Variants in FUT9 observed in about 807,000 individuals in gnomAD.
The protein encoded by FUT9 is fucosyltransferase 9, also known as 4-galactosyl-N-acetylglucosaminide 3-alpha-L-fucosyltransferase 9.
Under a neutral mutation model 29.7 loss-of-function variants are expected in FUT9, and 15 were observed. The observed-to-expected ratio is 0.51, with a 90% confidence interval of 0.34 to 0.78. FUT9 has a LOEUF of 0.78. Ranked by LOEUF, FUT9 falls within the 30% of genes least tolerant of loss-of-function variation. The pLI is 0.01. For synonymous variants in FUT9, 169 were observed against 153.7 expected (o/e 1.10, Z -0.74); for missense variants, 319 against 425.4 (o/e 0.75, Z 2.20).
intron 2 of FUT9, among the ~76,000 whole-genome samples, chr6:96,139,176 T>A (rs1052576830): frequency 1.3e-5 from 2 of 152,040 alleles, no homozygotes; most frequent in African/African-American, 2.4e-5. Flanking sequence ...CTGTTCCAAG[T>A]GGGAGAAAAT....
chr6:96,035,875 A>C lies in FUT9; in HGVS notation c.-98+19663A>C, dbSNP rs928765866. The stretch of plus-strand genomic sequence containing the variant: ...TATGTTTATTATATTAATATAATAT[A>C]ATACATTATGTTTATTATATTAATA... On this transcript the variant is annotated intron_variant, in intron 1 of 2. Coordinates refer to ENST00000302103, the MANE Select transcript of FUT9 (RefSeq NM_006581.4). 3.6e-3 allele frequency among the ~76,000 whole-genome samples: 367 copies of C among 103,380 alleles called. 3 individuals carry two copies. Among genetic ancestry groups the C allele is most frequent in the African/African-American group, 0.011 (355 of 31,484 alleles). The allele number at this position is 103,380 out of a possible 152,430, so 67.8% of individuals were successfully genotyped here.
intron 2 of FUT9, among the ~76,000 whole-genome samples, chr6:96,165,687 C>T (rs1773003089): frequency 6.6e-6 from 1 of 152,022 alleles, no homozygotes; most frequent in African/African-American, 2.4e-5. Context: ...GTGATCTCGG[C>T]TCACTGCAAC....
At chr6:96,165,750 G>C (rs895442129) in intron 2 of FUT9, among the ~76,000 whole-genome samples, 2 of 151,924 alleles carry the variant, frequency 1.3e-5, no homozygotes, top group Non-Finnish European at 2.9e-5. Flanking sequence ...GAAATAGCTG[G>C]GATTACAGGT....
intron 1 of FUT9, among the ~76,000 whole-genome samples, chr6:96,092,375 T>C (rs912929746): frequency 5.3e-5 from 8 of 152,036 alleles, no homozygotes; most frequent in Non-Finnish European, 1.2e-4. Context: ...TTCTGATAGA[T>C]ATATTCACAA....
intron 1 of FUT9, among the ~76,000 whole-genome samples, chr6:96,043,196 C>G (rs567641053): frequency 6.6e-6 from 1 of 152,068 alleles, no homozygotes; most frequent in Admixed American, 6.6e-5. Context: ...GGACTACAGG[C>G]GCCCACCACC....
At chr6:96,186,054 A>G (rs1773400983) in intron 2 of FUT9, among the ~76,000 whole-genome samples, 2 of 152,114 alleles carry the variant, frequency 1.3e-5, no homozygotes, top group Non-Finnish European at 2.9e-5. Context: ...TTCTAATAAC[A>G]TCATTTTCCA....
chr6:96,028,331 G>A (rs766398432), intron 1 of FUT9, among the ~76,000 whole-genome samples: 4 of 151,476 alleles, frequency 2.6e-5, no homozygotes, highest in South Asian at 2.1e-4. Context: ...TTAACTGTTC[G>A]ACTGGTACAA....
At chr6:96,152,436 G>C (rs1050290397) in intron 2 of FUT9, among the ~76,000 whole-genome samples, 2 of 152,072 alleles carry the variant, frequency 1.3e-5, no homozygotes, top group African/African-American at 4.8e-5. Context: ...TCTTCCACTG[G>C]ACCAAAAGTA....
At chr6:96,196,333 A>G (rs542914141) in intron 2 of FUT9, among the ~76,000 whole-genome samples, 1 of 152,298 alleles carries the variant, frequency 6.6e-6, no homozygotes, top group Non-Finnish European at 1.5e-5. Context: ...CTTAAGGTGA[A>G]CTATTCATTT....
At chr6:96,151,216 G>C (rs907799694) in intron 2 of FUT9, among the ~76,000 whole-genome samples, 1 of 152,104 alleles carries the variant, frequency 6.6e-6, no homozygotes, top group Non-Finnish European at 1.5e-5. Flanking sequence ...TTAATTCTTT[G>C]ATTAAACTTG....
At chr6:96,086,950 A>G (rs1771325817) in intron 1 of FUT9, among the ~76,000 whole-genome samples, 1 of 152,090 alleles carries the variant, frequency 6.6e-6, no homozygotes, top group Non-Finnish European at 1.5e-5. Context: ...CAGCCTGCCA[A>G]TTTTCGGTTA....
chr6:96,120,876 T>C (rs1273073547), intron 2 of FUT9, among the ~76,000 whole-genome samples: 1 of 151,968 alleles, frequency 6.6e-6, no homozygotes, highest in African/African-American at 2.4e-5. Flanking sequence ...GAGAAGTAGA[T>C]GGAGTATAGA....
chr6:96,157,140 ACT>A (rs1169030050), intron 2 of FUT9, among the ~76,000 whole-genome samples: 3 of 152,174 alleles, frequency 2.0e-5, no homozygotes, highest in Admixed American at 2.0e-4. Context: ...AAAAAGGCTA[ACT>A]AAGATGTGTG....
At chr6:96,082,567 C>A (rs1771253955) in intron 1 of FUT9, among the ~76,000 whole-genome samples, 1 of 151,750 alleles carries the variant, frequency 6.6e-6, no homozygotes, top group South Asian at 2.1e-4. Flanking sequence ...TTTTGTATAG[C>A]AAATTTCTTC....
intron 1 of FUT9, among the ~76,000 whole-genome samples, chr6:96,078,408 CTTTT>C (rs71012536): frequency 0.017 from 741 of 43,896 alleles, no homozygotes; most frequent in Non-Finnish European, 0.022. Context: ...TATTAGTCTT[CTTTT>C]TTTTTTTTTT....
intron 1 of FUT9, among the ~76,000 whole-genome samples, chr6:96,061,848 G>A (rs1210413032): frequency 6.6e-6 from 1 of 152,138 alleles, no homozygotes; most frequent in Non-Finnish European, 1.5e-5. Flanking sequence ...TTTATGTAGA[G>A]GGATTCTCCC....
intron 2 of FUT9, among the ~76,000 whole-genome samples, chr6:96,130,088 G>A (rs970545223): frequency 6.6e-6 from 1 of 151,948 alleles, no homozygotes; most frequent in East Asian, 1.9e-4. Flanking sequence ...GGTGGGAGAG[G>A]GGGTACGAAT....
At chr6:96,175,734 A>C (rs1382246086) in intron 2 of FUT9, among the ~76,000 whole-genome samples, 1 of 152,222 alleles carries the variant, frequency 6.6e-6, no homozygotes, top group Non-Finnish European at 1.5e-5. Flanking sequence ...CAAACTTTCT[A>C]TAGGGGGCCA....
intron 1 of FUT9, among the ~76,000 whole-genome samples, chr6:96,033,776 A>G (rs917823192): frequency 1.3e-5 from 2 of 151,762 alleles, no homozygotes; most frequent in East Asian, 1.9e-4. Context: ...ATTCAAACAC[A>G]TATTTGTTCT....
Sources: allele counts gnomAD v4.1 joint callset (sites outside exome capture counted in the v4.1 genomes callset), GRCh38; gene constraint gnomAD v4.1.1; transcripts MANE v1.5; gene names NCBI Gene and HGNC (gene_info 2026-07-23, HGNC 2026-07-21).